Variants in CLIP2 observed in about 807,000 individuals in gnomAD.
CLIP2 encodes CAP-Gly domain-containing linker protein 2.
A neutral mutation model predicts 111.7 loss-of-function variants in CLIP2; 41 were observed. That is an observed-to-expected ratio of 0.37 (90% CI 0.29 to 0.48). The LOEUF (loss-of-function observed/expected upper bound fraction) is 0.48, where lower values mean the gene tolerates loss of function less well. Ranked by LOEUF, CLIP2 falls within the 20% of genes least tolerant of loss-of-function variation. The pLI is 0.99. For missense variants in CLIP2, 1,160 were observed against 1,422.1 expected (o/e 0.82, Z 2.96); for synonymous variants, 660 against 644.2 (o/e 1.02, Z -0.37).
At chr7:74,305,643 G>A (rs1234777752) in intron 1 of CLIP2, among the ~76,000 whole-genome samples, 3 of 152,086 alleles carry the variant, frequency 2.0e-5, no homozygotes, top group Admixed American at 6.6e-5. Flanking sequence ...ACAGGCATGC[G>A]CCACCACGCC....
intron 2 of CLIP2, among the ~76,000 whole-genome samples, chr7:74,322,037 G>A (rs1408651497): frequency 4.1e-4 from 57 of 140,362 alleles, no homozygotes; most frequent in East Asian, 2.1e-4. Context: ...AGGCTGGAGT[G>A]TAGTGGCACG....
At chr7:74,323,998 A>G (rs1390147443) in intron 2 of CLIP2, among the ~76,000 whole-genome samples, 5 of 151,362 alleles carry the variant, frequency 3.3e-5, no homozygotes, top group Admixed American at 6.6e-5. Flanking sequence ...GGTTTTATTT[A>G]TTATTTATTT....
chr7:74,298,252 C>G (rs1175408048), intron 1 of CLIP2, among the ~76,000 whole-genome samples: 1 of 151,922 alleles, frequency 6.6e-6, no homozygotes, highest in Admixed American at 6.6e-5. Context: ...GTAGCGTGAT[C>G]TAAGCTCACT....
chr7:74,320,853 A>G (rs1554729917), intron 2 of CLIP2, among the ~76,000 whole-genome samples: 1 of 152,174 alleles, frequency 6.6e-6, no homozygotes, highest in African/African-American at 2.4e-5. Context: ...CAAGGCACCC[A>G]GTGGGCTGAG....
At chr7:74,312,337 TG>T (rs1275005257) in intron 1 of CLIP2, among the ~76,000 whole-genome samples, 1 of 151,630 alleles carries the variant, frequency 6.6e-6, no homozygotes, top group African/African-American at 2.4e-5. Flanking sequence ...GAGGCCCTGG[TG>T]GGGGGGCGGG....
intron 1 of CLIP2, among the ~76,000 whole-genome samples, chr7:74,311,014 C>G (rs1554728447): frequency 6.8e-6 from 1 of 147,650 alleles, no homozygotes; most frequent in East Asian, 2.0e-4. Flanking sequence ...GAGTCTTGCT[C>G]TGTTGCCCAG....
At chr7:74,383,982 A>T (rs1362677725) in intron 11 of CLIP2, among the ~76,000 whole-genome samples, 1 of 152,170 alleles carries the variant, frequency 6.6e-6, no homozygotes, top group Non-Finnish European at 1.5e-5. Context: ...TCATGTCAGG[A>T]GTTCGAGACC....
intron 2 of CLIP2, among the ~76,000 whole-genome samples, chr7:74,329,212 C>T (rs1224783997): frequency 1.3e-5 from 2 of 151,612 alleles, no homozygotes; most frequent in African/African-American, 4.8e-5. Context: ...AGGCGTGAGC[C>T]ACCGCACCCG....
intron 3 of CLIP2, among the ~76,000 whole-genome samples, chr7:74,350,422 G>T (rs1204470813): frequency 1.3e-5 from 2 of 151,958 alleles, no homozygotes; most frequent in Non-Finnish European, 2.9e-5. Context: ...TGCTCAGGCT[G>T]GTCTCAAAGT....
At chr7:74,329,434 C>T (rs1789214399) in intron 2 of CLIP2, among the ~76,000 whole-genome samples, 1 of 152,136 alleles carries the variant, frequency 6.6e-6, no homozygotes, top group African/African-American at 2.4e-5. Context: ...TATAGCCCCT[C>T]CTTTGTGGTC....
At chr7:74,366,785 AG>A (rs2116631725) in intron 8 of CLIP2, among the ~76,000 whole-genome samples, 1 of 147,998 alleles carries the variant, frequency 6.8e-6, no homozygotes, top group Non-Finnish European at 1.5e-5. Context: ...CTGAGGCAGG[AG>A]AATCACTTGA....
intron 11 of CLIP2, among the ~76,000 whole-genome samples, chr7:74,382,013 C>T (rs1790957251): frequency 6.6e-6 from 1 of 152,172 alleles, no homozygotes; most frequent in South Asian, 2.1e-4. Flanking sequence ...TGATCTTTGC[C>T]AATCTGAAAG....
Position 74,356,661 on chromosome 7 carries a change from C to A in CLIP2, c.1017+38C>A. ...CTGCAGAAGGGGATTCTCTGGTGTG[C>A]GTTTGGGAGGGGTGAGGATGTAAGA... On this transcript the variant is annotated intron_variant, in intron 5 of 16. Transcript: ENST00000223398. 1.9e-6 allele frequency: 3 copies of A among 1,563,764 alleles called. No individual in the cohort carries two copies. In the South Asian group the frequency reaches 3.4e-5, roughly 18 times the overall value.
At chr7:74,392,565 G>A (rs947884741) in intron 13 of CLIP2, among the ~76,000 whole-genome samples, 3 of 151,724 alleles carry the variant, frequency 2.0e-5, no homozygotes, top group South Asian at 2.1e-4. Flanking sequence ...GGCTGCTCAC[G>A]CCTGTAATCC....
intron 8 of CLIP2, among the ~76,000 whole-genome samples, chr7:74,365,048 T>A (rs1156975259): frequency 8.3e-6 from 1 of 120,160 alleles, no homozygotes; most frequent in African/African-American, 3.2e-5. Context: ...TGTGTGTGTG[T>A]GTGACTGTCT....
chr7:74,304,855 G>A (rs1390239698), intron 1 of CLIP2, among the ~76,000 whole-genome samples: 2 of 151,978 alleles, frequency 1.3e-5, no homozygotes, highest in Non-Finnish European at 2.9e-5. Flanking sequence ...TAAGGAAGGA[G>A]GATCACTTGA....
intron 7 of CLIP2, among the ~76,000 whole-genome samples, chr7:74,361,170 C>CTTTCCTTCCTTCCTTCCTTCCTTCCTT (rs1562709904): frequency 1.6e-4 from 2 of 12,704 alleles, no homozygotes; most frequent in South Asian, 2.8e-3. Flanking sequence ...CTCCCTCCCT[C>CTTTCCTTCCTTCCTTCCTTCCTTCCTT]CCTTCTTTCC....
intron 2 of CLIP2, among the ~76,000 whole-genome samples, chr7:74,322,026 C>T (rs1449929044): frequency 6.8e-6 from 1 of 147,940 alleles, no homozygotes; most frequent in African/African-American, 2.5e-5. Context: ...CTCTGTCGAC[C>T]AGGCTGGAGT....
chr7:74,330,453 C>T (rs528319984), intron 2 of CLIP2, among the ~76,000 whole-genome samples: 8 of 151,782 alleles, frequency 5.3e-5, no homozygotes, highest in Admixed American at 6.6e-5. Context: ...GATGGGGTTT[C>T]GCCATGTTGG....
Sources: gnomAD v4.1 joint callset for allele counts (sites outside exome capture counted in the v4.1 genomes callset) on GRCh38, gnomAD v4.1.1 for gene constraint, MANE v1.5 for transcripts, NCBI Gene and HGNC (gene_info 2026-07-23, HGNC 2026-07-21) for gene names.